GCNT3: variants seen among roughly 807,000 people sequenced by gnomAD.
GCNT3 encodes the protein glucosaminyl (N-acetyl) transferase 3, mucin type.
For synonymous variants in GCNT3, 269 were observed against 195.2 expected (o/e 1.38, Z -3.15); for missense variants, 708 against 530.3 (o/e 1.34, Z -3.29).
In GCNT3 at chr15:59,618,608, C is replaced by T. The variant is rs748004202; in HGVS notation, c.370C>T (p.Leu124=). Residue 124 remains leucine, a synonymous_variant, in exon 3 of 3, where the codon CTG becomes TTG. Transcript: ENST00000396065. The part of the protein sequence containing the change: ...KAERKFIQFP[L]SKEEVEFPIA... ...TGAAAGGAAGTTCATACAGTTCCCA[C>T]TGAGCAAAGAAGAGGTGGAGTTCCC... 3 of 1,613,918 alleles carry T rather than the reference C, an allele frequency of 1.9e-6. No homozygotes were observed. The highest frequency in any genetic ancestry group is 1.7e-6 in the Non-Finnish European group (2 of 1,179,948).
chr15:59,618,023 T>C, intron 2 of GCNT3, 156 bp from the exon 3 acceptor site: 1 of 420,364 alleles, frequency 2.4e-6, no homozygotes. Flanking sequence ...AGATTACAGA[T>C]CTCCATCAAC....
chr15:59,617,066 T>A lies in GCNT3; in HGVS notation c.-61+185T>A, dbSNP rs76763963. Among the ~76,000 whole-genome samples the A allele has an allele frequency of 7.4e-3, 1,129 of 152,248 alleles. 18 individuals are homozygous for A. The highest frequency in any genetic ancestry group is 0.026 in the African/African-American group (1,073 of 41,558). ...ATTTTCTATAATATCTGGTTTTCTT[T>A]ACTGATATTCAGTACCCTTTATTGT... On this transcript the variant is annotated intron_variant, in intron 2 of 2. Coordinates refer to ENST00000396065, the MANE Select transcript of GCNT3 (RefSeq NM_004751.3).
rs750410596 is a variant in GCNT3 at position 59,618,586 on chromosome 15, A to C, written c.348A>C (p.Glu116Asp). ...GAGACTGTGAGCACTTCAAGGCTGAAAGGAAGTTCATACAGTTCCCACTGA... is the reference window on the plus strand; with the variant it reads ...GAGACTGTGAGCACTTCAAGGCTGACAGGAAGTTCATACAGTTCCCACTGA... ...LTRDCEHFKA[E>D]RKFIQFPLSK... The change falls in exon 3 of 3, where the codon GAA becomes GAC. Residue 116 changes from glutamate to aspartate, a missense_variant. Coordinates refer to ENST00000396065, the MANE Select transcript of GCNT3 (RefSeq NM_004751.3). 1 of 1,614,090 alleles carries C rather than the reference A, an allele frequency of 6.2e-7. No homozygotes were observed. Among genetic ancestry groups the C allele is most frequent in the African/African-American group, 1.3e-5 (1 of 75,022 alleles).
At position 59,622,271 on chromosome 15, in the gene GCNT3, C is replaced by G. The variant is rs1890950229; in HGVS notation, c.*2716C>G. Reference sequence around the variant, plus strand: ...GAGGTTGCAGTGAGCTGAGATCGTACCACTGCACTCCAGCCTGGGCGATAG... The same window carrying G: ...GAGGTTGCAGTGAGCTGAGATCGTAGCACTGCACTCCAGCCTGGGCGATAG... On this transcript the variant is annotated 3_prime_UTR_variant, in exon 3 of 3. Transcript: ENST00000396065. The G allele has an allele frequency of 6.6e-6, 1 of 150,858 alleles. No individual in the cohort carries two copies. The highest frequency in any genetic ancestry group is 2.4e-5 in the African/African-American group (1 of 40,922). The allele number at this position is 150,858 out of a possible 1,614,324, so 9.3% of individuals were successfully genotyped here. A position where few individuals can be genotyped will look rare whatever the true frequency, so the allele number is the denominator to read the frequency against.
At chr15:59,614,924 A>C (rs1376916714) in intron 1 of GCNT3, 1 of 152,144 alleles carries the variant, frequency 6.6e-6, no homozygotes, top group Non-Finnish European at 1.5e-5. Context: ...CGGTGGGCAG[A>C]GGACCAAAAA....
intron 1 of GCNT3, among the ~76,000 whole-genome samples, chr15:59,613,571 AAT>A (rs765022132): frequency 4.4e-5 from 6 of 136,074 alleles, no homozygotes; most frequent in Non-Finnish European, 7.9e-5. Flanking sequence ...TAAATAAATA[AAT>A]AAATAAAAAT....
chr15:59,619,571 C>A lies in GCNT3; in HGVS notation c.*16C>A. ...TGAACTTTGAGACACACTATGAGAG[C>A]GTTGCTACCTGTGGGGCAAGAGCAT... On this transcript the variant is annotated 3_prime_UTR_variant, in exon 3 of 3. Coordinates refer to ENST00000396065, the MANE Select transcript of GCNT3 (RefSeq NM_004751.3). The A allele has an allele frequency of 1.4e-6, 2 of 1,464,690 alleles. No homozygotes were observed. The highest frequency in any genetic ancestry group is 1.2e-5 in the South Asian group (1 of 81,064). The allele number at this position is 1,464,690 out of a possible 1,614,324, so 90.7% of individuals were successfully genotyped here. A position where few individuals can be genotyped will look rare whatever the true frequency, so the allele number is the denominator to read the frequency against.
intron 1 of GCNT3, among the ~76,000 whole-genome samples, chr15:59,613,576 A>G (rs2082706301): frequency 6.7e-6 from 1 of 149,856 alleles, no homozygotes; most frequent in Non-Finnish European, 1.5e-5. Flanking sequence ...AAATAAATAA[A>G]TAAAAATAAA....
chr15:59,619,681 G>A lies in GCNT3; in HGVS notation c.*126G>A. 2 of 696,714 alleles carry A rather than the reference G, an allele frequency of 2.9e-6. 1 individual carries two copies. Among genetic ancestry groups the A allele is most frequent in the Non-Finnish European group, 5.2e-6 (2 of 388,088 alleles). The allele number at this position is 696,714 out of a possible 1,614,324, so 43.2% of individuals were successfully genotyped here. On this transcript the variant is annotated 3_prime_UTR_variant, in exon 3 of 3. Transcript: ENST00000396065. ...TCGTGGCATCCTTTAGGATAAGAGG[G>A]CTGCTATTAGAGTGTGGGTAAGTAG...
chr15:59,615,778 C>T (rs542340451), intron 1 of GCNT3, among the ~76,000 whole-genome samples: 39 of 152,026 alleles, frequency 2.6e-4, no homozygotes, highest in African/African-American at 9.2e-4. Context: ...GTCCCAGCTA[C>T]TCAGGATGCT....
At position 59,614,745 on chromosome 15, in the gene GCNT3, A is replaced by G. The variant is rs558277319; in HGVS notation, c.-250-1947A>G. Among the ~76,000 whole-genome samples, 4 of 152,210 alleles carry G rather than the reference A, an allele frequency of 2.6e-5. 1 individual carries two copies. The highest frequency in any genetic ancestry group is 9.6e-5 in the African/African-American group (4 of 41,532). On this transcript the variant is annotated intron_variant, in intron 1 of 2. Coordinates refer to ENST00000396065, the MANE Select transcript of GCNT3 (RefSeq NM_004751.3). Reference sequence around the variant, plus strand: ...CCTGTATCTTGGGCCTATCTCCTCTATCTCATCCTGTGATTTAGAATGCCT... The same window carrying G: ...CCTGTATCTTGGGCCTATCTCCTCTGTCTCATCCTGTGATTTAGAATGCCT...
At position 59,622,026 on chromosome 15, in the gene GCNT3, C is replaced by CT. The variant is rs1163777779; in HGVS notation, c.*2475dup. The stretch of plus-strand genomic sequence containing the variant: ...GAATTTTTTATTTATAAGGTAGTTA[C>CT]TTTTGGCCAGGTGTGGTGGCTGACG... On this transcript the variant is annotated 3_prime_UTR_variant, in exon 3 of 3. Transcript: ENST00000396065. 2 of 151,630 alleles carry CT rather than the reference C, an allele frequency of 1.3e-5. No individual in the cohort carries two copies. The highest frequency in any genetic ancestry group is 4.8e-5 in the African/African-American group (2 of 41,274). The allele number at this position is 151,630 out of a possible 1,614,324, so 9.4% of individuals were successfully genotyped here. A position where few individuals can be genotyped will look rare whatever the true frequency, so the allele number is the denominator to read the frequency against.
rs1486139104 is a variant in GCNT3 at position 59,622,588 on chromosome 15, G to A, written c.*3033G>A. 1 of 152,104 alleles carries A rather than the reference G, an allele frequency of 6.6e-6. No homozygotes were observed. The highest frequency in any genetic ancestry group is 2.4e-5 in the African/African-American group (1 of 41,410). The allele number at this position is 152,104 out of a possible 1,614,324, so 9.4% of individuals were successfully genotyped here. On this transcript the variant is annotated 3_prime_UTR_variant, in exon 3 of 3. Coordinates refer to ENST00000396065, the MANE Select transcript of GCNT3 (RefSeq NM_004751.3). ...GTAGAAGGGGCACACGGCCACCGTG[G>A]GAAGTAGGCAGAAAAGCCTCCCTGG...
chr15:59,617,165 G>GTTTTTTTTTTTTTTTTTTTTT (rs2082723241), intron 2 of GCNT3, among the ~76,000 whole-genome samples: 2 of 60,710 alleles, frequency 3.3e-5, no homozygotes, highest in African/African-American at 6.1e-5. Flanking sequence ...TTTTTCTTTT[G>GTTTTTTTTTTTTTTTTTTTTT]TTTTCTTTCT....
In GCNT3 at chr15:59,617,892, G is replaced by C. The variant is rs533363924; in HGVS notation, c.-60-287G>C. The C allele has an allele frequency of 3.9e-4, 69 of 176,862 alleles. 1 individual carries two copies. Among genetic ancestry groups the C allele is most frequent in the African/African-American group, 1.6e-3 (66 of 42,322 alleles). The allele number at this position is 176,862 out of a possible 1,614,324, so 11.0% of individuals were successfully genotyped here. A position where few individuals can be genotyped will look rare whatever the true frequency, so the allele number is the denominator to read the frequency against. On this transcript the variant is annotated intron_variant, in intron 2 of 2. Transcript: ENST00000396065. ...GAAGAAGAATGAGGAATGAAGGGTGGGTGGGGACGTGCTCTTACTAATGAC... is the reference window on the plus strand; with the variant it reads ...GAAGAAGAATGAGGAATGAAGGGTGCGTGGGGACGTGCTCTTACTAATGAC...
At chr15:59,612,942 C>G (rs2082702960) in intron 1 of GCNT3, among the ~76,000 whole-genome samples, 1 of 151,852 alleles carries the variant, frequency 6.6e-6, no homozygotes, top group Admixed American at 6.6e-5. Flanking sequence ...ACATCATAAA[C>G]ATTAACACTT....
At chr15:59,613,490 C>T (rs1476378026) in intron 1 of GCNT3, among the ~76,000 whole-genome samples, 1 of 150,698 alleles carries the variant, frequency 6.6e-6, no homozygotes, top group Non-Finnish European at 1.5e-5. Flanking sequence ...TGCTTGAGCT[C>T]CTGAGTTCAA....
Position 59,611,911 on chromosome 15 carries a change from G to A in GCNT3, c.-321G>A, listed in dbSNP as rs572597247. 3 of 152,260 alleles carry A rather than the reference G, an allele frequency of 2.0e-5. No homozygotes were observed. Among genetic ancestry groups the A allele is most frequent in the African/African-American group, 7.2e-5 (3 of 41,522 alleles). The allele number at this position is 152,260 out of a possible 1,614,324, so 9.4% of individuals were successfully genotyped here. On this transcript the variant is annotated 5_prime_UTR_variant, in exon 1 of 3. Transcript: ENST00000396065. Reference sequence around the variant, plus strand: ...ATACCTATCACTGTAGGTGCTGAAGGGAAACAGATGAAGAACATGACCTCA... The same window carrying A: ...ATACCTATCACTGTAGGTGCTGAAGAGAAACAGATGAAGAACATGACCTCA...
Position 59,621,163 on chromosome 15 carries a change from G to T in GCNT3, c.*1608G>T, listed in dbSNP as rs116871302. The T allele has an allele frequency of 0.046, 7,012 of 151,792 alleles. 408 individuals carry two copies. The highest frequency in any genetic ancestry group is 0.25 in the East Asian group (1,314 of 5,166). 9.4% of individuals were successfully genotyped at this position (151,792 alleles called of 1,614,324 possible). A position where few individuals can be genotyped will look rare whatever the true frequency, so the allele number is the denominator to read the frequency against. ...GCCTCCCAAAGTGCTGGGATTACAG[G>T]TGTGAGCCACCATGCCTGGTCCCCT... On this transcript the variant is annotated 3_prime_UTR_variant, in exon 3 of 3. Coordinates refer to ENST00000396065, the MANE Select transcript of GCNT3 (RefSeq NM_004751.3).
Sources: gnomAD v4.1 joint callset for allele counts (sites outside exome capture counted in the v4.1 genomes callset) on GRCh38, gnomAD v4.1.1 for gene constraint, MANE v1.5 for transcripts, NCBI Gene and HGNC (gene_info 2026-07-23, HGNC 2026-07-21) for gene names.